TBC1D4: variants seen among roughly 807,000 people sequenced by gnomAD.
TBC1D4 encodes the protein TBC (Tre-2, BUB2, CDC16) domain-containing protein.
Under a neutral mutation model 142.5 loss-of-function variants are expected in TBC1D4, and 121 were observed. The observed-to-expected ratio is 0.85, with a 90% CI of 0.73 to 0.99. The LOEUF (loss-of-function observed/expected upper bound fraction) is 0.99, where lower values mean the gene tolerates loss of function less well. Ranked by LOEUF, TBC1D4 falls within the 50% of genes least tolerant of loss-of-function variation. The pLI is 0.00. For synonymous variants in TBC1D4, 630 were observed against 628.2 expected (o/e 1.00, Z -0.04); for missense variants, 1,475 against 1,606.6 (o/e 0.92, Z 1.40).
chr13:75,465,890 CTCTT>C (rs889054051), intron 1 of TBC1D4, among the ~76,000 whole-genome samples: 6 of 152,150 alleles, frequency 3.9e-5, no homozygotes, highest in African/African-American at 1.2e-4. Context: ...TAGAAAATAA[CTCTT>C]TCAACCAGTT....
intron 17 of TBC1D4, 42 bp downstream of exon 17, chr13:75,299,288 G>T (rs1214062637): frequency 6.2e-7 from 1 of 1,612,376 alleles, no homozygotes; most frequent in Non-Finnish European, 8.5e-7. Flanking sequence ...AGGATTTCTG[G>T]TAATAGTCTC....
chr13:75,298,677 C>T (rs973158623), intron 17 of TBC1D4, among the ~76,000 whole-genome samples: 3 of 152,106 alleles, frequency 2.0e-5, no homozygotes, highest in East Asian at 1.9e-4. Flanking sequence ...GGCTTGAACC[C>T]GGGAGGCAGA....
At chr13:75,409,578 G>A (rs780840451) in intron 1 of TBC1D4, among the ~76,000 whole-genome samples, 28 of 152,116 alleles carry the variant, frequency 1.8e-4, no homozygotes, top group Non-Finnish European at 3.1e-4. Flanking sequence ...TGGAAGTTCT[G>A]CAAATTAGTT....
At chr13:75,426,039 T>A (rs999069661) in intron 1 of TBC1D4, among the ~76,000 whole-genome samples, 1 of 152,222 alleles carries the variant, frequency 6.6e-6, no homozygotes, top group African/African-American at 2.4e-5. Context: ...TTCTACAATG[T>A]ATATGGGTAT....
intron 1 of TBC1D4, among the ~76,000 whole-genome samples, chr13:75,450,709 T>C (rs1342379433): frequency 2.6e-5 from 4 of 152,180 alleles, no homozygotes; most frequent in African/African-American, 9.7e-5. Context: ...ATTAGACATA[T>C]GGTTGAACTC....
At chr13:75,444,217 G>A (rs1887174943) in intron 1 of TBC1D4, among the ~76,000 whole-genome samples, 1 of 152,150 alleles carries the variant, frequency 6.6e-6, no homozygotes, top group Non-Finnish European at 1.5e-5. Flanking sequence ...TTGAACTCCT[G>A]AGCTCAAGAG....
At chr13:75,333,707 C>T (rs1879956357) in intron 8 of TBC1D4, among the ~76,000 whole-genome samples, 1 of 152,234 alleles carries the variant, frequency 6.6e-6, no homozygotes. Flanking sequence ...CTTCAGACTT[C>T]ACTCCAATTG....
At chr13:75,376,722 A>G (rs1213277217) in intron 1 of TBC1D4, among the ~76,000 whole-genome samples, 2 of 152,180 alleles carry the variant, frequency 1.3e-5, no homozygotes, top group Non-Finnish European at 2.9e-5. Flanking sequence ...TTTCTATAGA[A>G]ACAGTAATAG....
At chr13:75,417,046 G>C (rs1442484207) in intron 1 of TBC1D4, among the ~76,000 whole-genome samples, 2 of 152,224 alleles carry the variant, frequency 1.3e-5, no homozygotes, top group Non-Finnish European at 2.9e-5. Flanking sequence ...TGCTCCGGAT[G>C]GTCACTCACA....
At chr13:75,460,268 A>C (rs1364244111) in intron 1 of TBC1D4, among the ~76,000 whole-genome samples, 1 of 152,240 alleles carries the variant, frequency 6.6e-6, no homozygotes, top group African/African-American at 2.4e-5. Context: ...AGAGGCTTAC[A>C]AATCAACAAT....
At chr13:75,353,653 G>C (rs1881801664) in intron 4 of TBC1D4, among the ~76,000 whole-genome samples, 1 of 152,140 alleles carries the variant, frequency 6.6e-6, no homozygotes, top group African/African-American at 2.4e-5. Flanking sequence ...GCTTCGGTAG[G>C]ATGTGATATG....
At chr13:75,405,269 CTT>C (rs5804811) in intron 1 of TBC1D4, among the ~76,000 whole-genome samples, 4 of 126,890 alleles carry the variant, frequency 3.2e-5, no homozygotes, top group Non-Finnish European at 3.2e-5. Flanking sequence ...TGTATATATG[CTT>C]TTTTTTTTTT....
At chr13:75,297,772 C>T (rs200241351) in intron 17 of TBC1D4, among the ~76,000 whole-genome samples, 8 of 133,184 alleles carry the variant, frequency 6.0e-5, no homozygotes, top group Non-Finnish European at 9.2e-5. Context: ...AAAAAAAAAA[C>T]GATAAAAAGA....
At chr13:75,461,660 CATT>C (rs1043672501) in intron 1 of TBC1D4, among the ~76,000 whole-genome samples, 1 of 152,188 alleles carries the variant, frequency 6.6e-6, no homozygotes, top group Non-Finnish European at 1.5e-5. Context: ...ATTTCCTAAT[CATT>C]GAGTTCTTCA....
intron 17 of TBC1D4, among the ~76,000 whole-genome samples, chr13:75,298,363 G>A (rs989693814): frequency 1.3e-5 from 2 of 152,182 alleles, no homozygotes; most frequent in Non-Finnish European, 2.9e-5. Flanking sequence ...GGAGAGAAAT[G>A]TGCAAACAGG....
At chr13:75,413,227 T>A (rs902357485) in intron 1 of TBC1D4, among the ~76,000 whole-genome samples, 2 of 152,022 alleles carry the variant, frequency 1.3e-5, no homozygotes, top group South Asian at 4.2e-4. Flanking sequence ...TGCAACACAA[T>A]CTCGGCTCAC....
intron 1 of TBC1D4, chr13:75,367,024 T>C: frequency 1.0e-6 from 1 of 976,888 alleles, no homozygotes; most frequent in Non-Finnish European, 1.2e-6. Context: ...CTAAATAAGC[T>C]GGCGGTATTT....
At chr13:75,460,261 G>A (rs1887911796) in intron 1 of TBC1D4, among the ~76,000 whole-genome samples, 1 of 152,140 alleles carries the variant, frequency 6.6e-6, no homozygotes, top group African/African-American at 2.4e-5. Context: ...AGTGAAGAGA[G>A]GCTTACAAAT....
chr13:75,287,665 GA>G (rs1874831079), intron 20 of TBC1D4, among the ~76,000 whole-genome samples: 1 of 151,684 alleles, frequency 6.6e-6, no homozygotes, highest in African/African-American at 2.4e-5. Context: ...TTTTTGAATA[GA>G]AAAAAAGATT....
Sources: allele counts gnomAD v4.1 joint callset (sites outside exome capture counted in the v4.1 genomes callset), GRCh38; gene constraint gnomAD v4.1.1; transcripts MANE v1.5; gene names NCBI Gene and HGNC (gene_info 2026-07-23, HGNC 2026-07-21).